Variants in DOCK4 observed in about 807,000 individuals in gnomAD.
DOCK4 encodes dedicator of cytokinesis 4, also known as dedicator of cytokinesis protein 4.
In DOCK4, 97 loss-of-function variants were observed where a neutral mutation model predicts 268.1. That is an observed-to-expected ratio of 0.36 (90% CI 0.31 to 0.43). The LOEUF (loss-of-function observed/expected upper bound fraction) is 0.43. DOCK4 is among the 20% of genes least tolerant of loss of function. The probability of loss-of-function intolerance (pLI) is 1.00; values close to 1 mark genes in which losing one functional copy is unlikely to be tolerated. For synonymous variants in DOCK4, 954 were observed against 887.2 expected (o/e 1.08, Z -1.34); for missense variants, 2,145 against 2,455.7 (o/e 0.87, Z 2.67).
intron 12 of DOCK4, among the ~76,000 whole-genome samples, chr7:111,927,247 G>T (rs543643847): frequency 6.6e-6 from 1 of 152,304 alleles, no homozygotes; most frequent in East Asian, 1.9e-4. Flanking sequence ...CTGCTGGTTT[G>T]CAGATCTGCT....
intron 1 of DOCK4, among the ~76,000 whole-genome samples, chr7:112,138,931 A>T (rs1392612076): frequency 6.6e-6 from 1 of 152,204 alleles, no homozygotes; most frequent in Non-Finnish European, 1.5e-5. Flanking sequence ...TCAACTCTGC[A>T]GGTTGGCCTA....
intron 1 of DOCK4, among the ~76,000 whole-genome samples, chr7:112,182,297 T>C (rs889052839): frequency 2.0e-4 from 30 of 152,220 alleles, no homozygotes; most frequent in African/African-American, 5.5e-4. Flanking sequence ...TTGAAATACA[T>C]TAATTTTTAA....
At chr7:111,918,954 G>GT (rs1319380080) in intron 12 of DOCK4, among the ~76,000 whole-genome samples, 1 of 152,006 alleles carries the variant, frequency 6.6e-6, no homozygotes, top group African/African-American at 2.4e-5. Context: ...ACATCATGTG[G>GT]TATACATAAA....
intron 1 of DOCK4, among the ~76,000 whole-genome samples, chr7:112,070,676 G>C (rs1380496702): frequency 2.6e-5 from 4 of 151,748 alleles, no homozygotes; most frequent in Non-Finnish European, 5.9e-5. Context: ...TTATTAAAAT[G>C]AACCACTAAA....
intron 15 of DOCK4, among the ~76,000 whole-genome samples, chr7:111,896,010 T>G (rs1199371501): frequency 6.6e-6 from 1 of 152,172 alleles, no homozygotes; most frequent in Non-Finnish European, 1.5e-5. Context: ...TACCCCAAAG[T>G]CCCATTGAGG....
At chr7:112,069,213 G>A (rs1170197686) in intron 1 of DOCK4, among the ~76,000 whole-genome samples, 5 of 152,184 alleles carry the variant, frequency 3.3e-5, no homozygotes, top group Non-Finnish European at 5.9e-5. Flanking sequence ...TTTTGTCATT[G>A]GGTGGATAAC....
intron 44 of DOCK4, among the ~76,000 whole-genome samples, chr7:111,742,885 G>C (rs888214789): frequency 6.6e-6 from 1 of 151,940 alleles, no homozygotes; most frequent in South Asian, 2.1e-4. Context: ...CCAACTACTC[G>C]AGTGGCTGAG....
At chr7:111,955,547 T>C (rs567925899) in intron 8 of DOCK4, among the ~76,000 whole-genome samples, 20 of 152,222 alleles carry the variant, frequency 1.3e-4, no homozygotes, top group Non-Finnish European at 2.6e-4. Context: ...GCCAATTCTT[T>C]CTTACTAGTC....
chr7:112,183,399 G>A (rs187159829), intron 1 of DOCK4, among the ~76,000 whole-genome samples: 27 of 152,274 alleles, frequency 1.8e-4, no homozygotes, highest in Admixed American at 1.7e-3. Context: ...TCAAACAAAA[G>A]GTATTGATGA....
At chr7:112,191,797 A>G (rs1245649882) in intron 1 of DOCK4, among the ~76,000 whole-genome samples, 1 of 151,962 alleles carries the variant, frequency 6.6e-6, no homozygotes, top group African/African-American at 2.4e-5. Flanking sequence ...GTAAGGCTGG[A>G]GTATGTGCAC....
At chr7:111,976,577 C>G (rs1459176885) in intron 8 of DOCK4, 1 of 151,598 alleles carries the variant, frequency 6.6e-6, no homozygotes, top group African/African-American at 2.4e-5. Flanking sequence ...TTTCTAAATA[C>G]TGAAAAAGAG....
At chr7:111,730,944 T>C (rs1177843967) in intron 52 of DOCK4, among the ~76,000 whole-genome samples, 1 of 152,230 alleles carries the variant, frequency 6.6e-6, no homozygotes, top group Admixed American at 6.5e-5. Flanking sequence ...TTAAGACTTA[T>C]TTTCTTACTA....
chr7:111,812,292 G>A (rs2133916241), intron 27 of DOCK4, among the ~76,000 whole-genome samples: 1 of 152,152 alleles, frequency 6.6e-6, no homozygotes, highest in Admixed American at 6.5e-5. Flanking sequence ...ATATTTTTCT[G>A]TTTTTGAGAC....
chr7:111,851,516 C>G (rs1804554075), intron 23 of DOCK4, among the ~76,000 whole-genome samples: 1 of 150,124 alleles, frequency 6.7e-6, no homozygotes, highest in Non-Finnish European at 1.5e-5. Flanking sequence ...GAGTTAGATA[C>G]AGATTTCTTA....
chr7:112,065,521 G>A (rs1016254357), intron 1 of DOCK4, among the ~76,000 whole-genome samples: 3 of 150,188 alleles, frequency 2.0e-5, no homozygotes, highest in African/African-American at 4.9e-5. Context: ...CCATGTCTAC[G>A]TTTTAAAAAT....
chr7:111,847,476 T>G (rs575020838), intron 23 of DOCK4, among the ~76,000 whole-genome samples: 2 of 124,578 alleles, frequency 1.6e-5, no homozygotes, highest in Non-Finnish European at 3.5e-5. Flanking sequence ...ACTTGGTTGT[T>G]TTTTTTTTTC....
intron 49 of DOCK4, among the ~76,000 whole-genome samples, chr7:111,738,194 C>T (rs1384546206): frequency 6.6e-6 from 1 of 152,222 alleles, no homozygotes; most frequent in Non-Finnish European, 1.5e-5. Context: ...TGAGCCCAAG[C>T]CTCTGCTCTC....
At chr7:111,747,028 A>T (rs1796322271) in intron 43 of DOCK4, among the ~76,000 whole-genome samples, 1 of 152,052 alleles carries the variant, frequency 6.6e-6, no homozygotes, top group African/African-American at 2.4e-5. Context: ...ACTTTTATTC[A>T]TGCAAGAATG....
At position 111,790,219 on chromosome 7, in the gene DOCK4, C is replaced by A. The variant is rs73434225; in HGVS notation, c.3315+238G>T. On this transcript the variant is annotated intron_variant, in intron 31 of 52. Transcript: ENST00000428084. Reference sequence around the variant, plus strand: ...TCTTAAATACAGATCTGGGAAATCACAAAATTTTTCAGCTGAAAAGGAATC... The same window carrying A: ...TCTTAAATACAGATCTGGGAAATCAAAAAATTTTTCAGCTGAAAAGGAATC... Among the ~76,000 whole-genome samples, 456 of 152,206 alleles carry A rather than the reference C, an allele frequency of 3.0e-3. 2 individuals are homozygous for A. The highest frequency in any genetic ancestry group is 0.01 in the African/African-American group (431 of 41,550).
Sources: gnomAD v4.1 joint callset for allele counts (sites outside exome capture counted in the v4.1 genomes callset) on GRCh38, gnomAD v4.1.1 for gene constraint, MANE v1.5 for transcripts, NCBI Gene and HGNC (gene_info 2026-07-23, HGNC 2026-07-21) for gene names.